Variants in PSD3 observed in about 807,000 individuals in gnomAD.
PSD3 encodes pleckstrin and Sec7 domain containing 3, also known as PH and SEC7 domain-containing protein 3.
In PSD3, 49 loss-of-function variants were observed where a neutral mutation model predicts 105.5. The ratio of observed to expected loss-of-function variants is 0.46; its 90% CI spans 0.37 to 0.59. The LOEUF is 0.59. PSD3 is among the 20% of genes least tolerant of loss of function. PSD3 has a pLI of 0.00. For missense variants in PSD3, 1,561 were observed against 1,263.8 expected (o/e 1.24, Z -3.57); for synonymous variants, 557 against 457.8 (o/e 1.22, Z -2.77).
At chr8:18,902,158 T>C (rs1012084379) in intron 2 of PSD3, among the ~76,000 whole-genome samples, 1 of 152,212 alleles carries the variant, frequency 6.6e-6, no homozygotes, top group African/African-American at 2.4e-5. Context: ...CTTTTTTCTT[T>C]CTGTTTTCCT....
At chr8:19,075,051 C>G (rs13253952) in intron 1 of PSD3, among the ~76,000 whole-genome samples, 43,954 of 151,324 alleles carry the variant, frequency 0.29, 6,621 homozygotes, top group South Asian at 0.38. Flanking sequence ...GTTCAAGCAA[C>G]TTTCCTGCCT....
At position 18,600,588 on chromosome 8, in the gene PSD3, C is replaced by G. The variant is rs150657306; in HGVS notation, c.2411-154G>C. ...AAAATTTTCTGAGCCTTATGGTGTACCAGGCGGCATTCTAAAATGTTTTCC... is the reference window on the plus strand; with the variant it reads ...AAAATTTTCTGAGCCTTATGGTGTAGCAGGCGGCATTCTAAAATGTTTTCC... On this transcript the variant is annotated intron_variant, in intron 11 of 15. Transcript: ENST00000327040. Among the ~76,000 whole-genome samples, 413 of 152,270 alleles carry G rather than the reference C, an allele frequency of 2.7e-3. 4 individuals are homozygous for G. The highest frequency in any genetic ancestry group is 9.6e-3 in the African/African-American group (399 of 41,564).
intron 9 of PSD3, among the ~76,000 whole-genome samples, chr8:18,656,359 C>T (rs932199434): frequency 1.2e-4 from 18 of 147,388 alleles, no homozygotes; most frequent in Non-Finnish European, 4.5e-5. Flanking sequence ...TGTCTGGCTG[C>T]TTTTTTTTTT....
chr8:18,958,180 T>C (rs1015496921), intron 1 of PSD3, among the ~76,000 whole-genome samples: 1 of 152,174 alleles, frequency 6.6e-6, no homozygotes. Context: ...AGAAAAACCT[T>C]GTGTGCTACA....
intron 10 of PSD3, among the ~76,000 whole-genome samples, chr8:18,643,177 T>A (rs1807776692): frequency 6.6e-6 from 1 of 152,094 alleles, no homozygotes; most frequent in South Asian, 2.1e-4. Flanking sequence ...ATCATCCCAT[T>A]GTGGAAGGTG....
chr8:18,697,460 T>C (rs1053747142), intron 9 of PSD3, among the ~76,000 whole-genome samples: 2 of 152,226 alleles, frequency 1.3e-5, no homozygotes, highest in Non-Finnish European at 1.5e-5. Context: ...CTGCAGAACA[T>C]TATAGAAAAG....
intron 2 of PSD3, among the ~76,000 whole-genome samples, chr8:18,901,068 CTT>C (rs1438720591): frequency 6.6e-6 from 1 of 152,030 alleles, no homozygotes. Flanking sequence ...TTTTGATAAA[CTT>C]TAACTTTTTA....
At chr8:19,027,090 G>A (rs549246574) in intron 1 of PSD3, among the ~76,000 whole-genome samples, 6 of 152,142 alleles carry the variant, frequency 3.9e-5, no homozygotes, top group Non-Finnish European at 7.4e-5. Flanking sequence ...CACAATACAC[G>A]CATTATGAAC....
intron 1 of PSD3, among the ~76,000 whole-genome samples, chr8:18,943,166 G>A (rs924999002): frequency 1.3e-5 from 2 of 152,170 alleles, no homozygotes; most frequent in Admixed American, 1.3e-4. Context: ...GAGGCATGGT[G>A]AAAAAGACTC....
chr8:18,613,778 A>G (rs1196245423), intron 11 of PSD3, among the ~76,000 whole-genome samples: 1 of 152,130 alleles, frequency 6.6e-6, no homozygotes. Context: ...CAACCTTGCA[A>G]AACAACCCAG....
At chr8:18,895,223 G>T (rs1215961354) in intron 2 of PSD3, among the ~76,000 whole-genome samples, 1 of 152,192 alleles carries the variant, frequency 6.6e-6, no homozygotes, top group Non-Finnish European at 1.5e-5. Flanking sequence ...ACAGCAAAGA[G>T]TCAACAATTC....
chr8:18,754,968 A>C (rs772418271), intron 9 of PSD3, among the ~76,000 whole-genome samples: 3 of 152,108 alleles, frequency 2.0e-5, no homozygotes, highest in Non-Finnish European at 4.4e-5. Context: ...TGGTCTGCTG[A>C]AAGGAGGGCA....
At chr8:18,594,126 T>G (rs1803825718) in intron 12 of PSD3, among the ~76,000 whole-genome samples, 1 of 26,474 alleles carries the variant, frequency 3.8e-5, no homozygotes, top group African/African-American at 9.5e-5. Flanking sequence ...AGTATAATAA[T>G]ATATATTATA....
chr8:18,905,106 A>G (rs1819755126), intron 2 of PSD3, among the ~76,000 whole-genome samples: 1 of 152,250 alleles, frequency 6.6e-6, no homozygotes, highest in Non-Finnish European at 1.5e-5. Flanking sequence ...GCTTATAGCC[A>G]GGACTAGAAG....
At chr8:18,811,305 C>T (rs1563299707) in intron 4 of PSD3, among the ~76,000 whole-genome samples, 2 of 152,162 alleles carry the variant, frequency 1.3e-5, no homozygotes, top group African/African-American at 2.4e-5. Context: ...TTACTACTAT[C>T]CATTTTGCTC....
At chr8:18,658,258 T>C (rs1185301199) in intron 9 of PSD3, among the ~76,000 whole-genome samples, 1 of 152,224 alleles carries the variant, frequency 6.6e-6, no homozygotes, top group Non-Finnish European at 1.5e-5. Flanking sequence ...ATCACAATTA[T>C]TATTTTTCTT....
intron 1 of PSD3, among the ~76,000 whole-genome samples, chr8:18,994,397 A>G (rs1825955020): frequency 6.6e-6 from 1 of 152,098 alleles, no homozygotes; most frequent in East Asian, 1.9e-4. Flanking sequence ...TTAACTAACC[A>G]TATATGCCTC....
intron 4 of PSD3, among the ~76,000 whole-genome samples, chr8:18,811,291 A>G (rs1811659983): frequency 6.6e-6 from 1 of 152,156 alleles, no homozygotes; most frequent in Admixed American, 6.5e-5. Flanking sequence ...TACTTTTATA[A>G]GCTTTACTAC....
intron 9 of PSD3, among the ~76,000 whole-genome samples, chr8:18,686,543 C>T (rs1238267969): frequency 1.3e-5 from 2 of 152,190 alleles, no homozygotes; most frequent in Non-Finnish European, 2.9e-5. Flanking sequence ...TCCTACAATG[C>T]TGCTAGCAGT....
Sources: gnomAD v4.1 joint callset for allele counts (sites outside exome capture counted in the v4.1 genomes callset) on GRCh38, gnomAD v4.1.1 for gene constraint, MANE v1.5 for transcripts, NCBI Gene and HGNC (gene_info 2026-07-23, HGNC 2026-07-21) for gene names.